MSTO1: variants seen among roughly 807,000 people sequenced by gnomAD.
MSTO1 encodes protein misato homolog 1.
In MSTO1, 24 loss-of-function variants were observed where a neutral mutation model predicts 55.7. The observed-to-expected ratio is 0.43, with a 90% CI of 0.31 to 0.61. The LOEUF (loss-of-function observed/expected upper bound fraction) is 0.61, where lower values mean the gene tolerates loss of function less well. Ranked by LOEUF, MSTO1 falls within the 20% of genes least tolerant of loss-of-function variation. The pLI is 0.09. For synonymous variants in MSTO1, 162 were observed against 252.8 expected, an observed-to-expected ratio of 0.64 and a Z score of 3.41; for missense variants, 363 against 625.7, an observed-to-expected ratio of 0.58 and a Z score of 4.48.
the MSTO1 span, among the ~76,000 whole-genome samples, chr1:155,574,298 ATCACG>A: frequency 1.3e-5 from 2 of 152,170 alleles, no homozygotes; most frequent in African/African-American, 4.8e-5. Context: ...ATGAGCCAAG[ATCACG>A]TCATCACACT....
At chr1:155,603,651 A>C in the MSTO1 span, among the ~76,000 whole-genome samples, 1 of 152,126 alleles carries the variant, frequency 6.6e-6, no homozygotes, top group Non-Finnish European at 1.5e-5. Flanking sequence ...AGAGGTCAGG[A>C]GTTCAAGACC....
intron 4 of MSTO1, 56 bp downstream of exon 4, chr1:155,611,347 T>A: frequency 6.2e-7 from 1 of 1,613,788 alleles, no homozygotes. Flanking sequence ...AGGGTCTCCA[T>A]AGGGGCAGGT....
At chr1:155,569,298 G>A in the MSTO1 span, among the ~76,000 whole-genome samples, 26 of 141,706 alleles carry the variant, frequency 1.8e-4, no homozygotes, top group South Asian at 6.9e-4. Flanking sequence ...ACCACGCCCA[G>A]CTAATTTTTT....
chr1:155,575,796 TTTTATTTATTTATTTATTTA>T, the MSTO1 span, among the ~76,000 whole-genome samples: 1 of 144,660 alleles, frequency 6.9e-6, no homozygotes, highest in East Asian at 2.0e-4. Flanking sequence ...CTTATTTTAT[TTTTATTTATTTATTTATTTA>T]TTTATTTATT....
chr1:155,596,434 T>G, the MSTO1 span, among the ~76,000 whole-genome samples: 1 of 152,204 alleles, frequency 6.6e-6, no homozygotes, highest in Non-Finnish European at 1.5e-5. Context: ...CATCATCATT[T>G]AGGCCACCTT....
upstream of MSTO1, chr1:155,610,097 G>A: frequency 2.7e-6 from 2 of 742,282 alleles, no homozygotes; most frequent in South Asian, 1.8e-5. Context: ...AGGTAGGAAG[G>A]GATCGGCGCA....
intron 11 of MSTO1, 48 bp downstream of exon 11, chr1:155,613,281 A>T (rs753685751): frequency 6.3e-6 from 10 of 1,594,808 alleles, no homozygotes; most frequent in Non-Finnish European, 8.6e-6. Flanking sequence ...TTTGTCTCAT[A>T]TCCATCTTCC....
At chr1:155,598,985 T>C in the MSTO1 span, 2 of 911,606 alleles carry the variant, frequency 2.2e-6, no homozygotes, top group Admixed American at 2.3e-5. Flanking sequence ...GTCTTGTAGC[T>C]TTAATTTTCT....
chr1:155,612,377 G>T lies in MSTO1; in HGVS notation c.814-41G>T, dbSNP rs774138784. Reference sequence around the variant, plus strand: ...TGGGGAGGGAGAAATCAGAATCCCAGTGGGAGAGCTGCTTAATACAAACTA... The same window carrying T: ...TGGGGAGGGAGAAATCAGAATCCCATTGGGAGAGCTGCTTAATACAAACTA... On this transcript the variant is annotated intron_variant, in intron 8 of 13. Coordinates refer to ENST00000245564, the MANE Select transcript of MSTO1 (RefSeq NM_018116.4). 3.2e-6 allele frequency: 5 copies of T among 1,586,970 alleles called. No homozygotes were observed. The African/African-American group carries it at 6.7e-5, about 21-fold the overall frequency.
Position 155,613,216 on chromosome 1 carries a change from C to T in MSTO1, c.1266C>T (p.Asp422=). 1.9e-6 allele frequency: 3 copies of T among 1,613,770 alleles called. No individual in the cohort carries two copies. Among genetic ancestry groups the T allele is most frequent in the Non-Finnish European group, 2.5e-6 (3 of 1,179,800 alleles). Residue 422 remains aspartate (D), a synonymous_variant, in exon 11 of 14, where the codon GAC becomes GAT. Transcript: ENST00000245564. ...FAQSVVLRGI[D]RACHTSQLTP... ...AGTCAGTGGTGCTGAGGGGTATAGA[C>T]AGAGCATGCCACACAAGGTGAGAGC...
chr1:155,600,350 T>G, the MSTO1 span, among the ~76,000 whole-genome samples: 1 of 152,206 alleles, frequency 6.6e-6, no homozygotes, highest in Admixed American at 6.5e-5. Context: ...ACTCAGCACA[T>G]GTTTCAGAGA....
chr1:155,592,058 C>T, the MSTO1 span, among the ~76,000 whole-genome samples: 46 of 152,212 alleles, frequency 3.0e-4, no homozygotes, highest in Non-Finnish European at 5.9e-4. Context: ...GCTTTCTCTC[C>T]GGTAGATAAA....
rs768686448 is a variant in MSTO1 at position 155,612,841 on chromosome 1, C to T, written c.967-3C>T. Reference sequence around the variant, plus strand: ...AAGTGCCCATCTTGGTGTCTTCTTACAGGCCACTCTGCCCTTCCACTGCAG... The same window carrying T: ...AAGTGCCCATCTTGGTGTCTTCTTATAGGCCACTCTGCCCTTCCACTGCAG... On this transcript the variant is annotated splice_region_variant and splice_polypyrimidine_tract_variant and intron_variant, in intron 9 of 13. Transcript: ENST00000245564. 11 of 1,613,860 alleles carry T rather than the reference C, an allele frequency of 6.8e-6. No homozygotes were observed. Among genetic ancestry groups the T allele is most frequent in the Admixed American group, 6.7e-5 (4 of 60,010 alleles).
the MSTO1 span, among the ~76,000 whole-genome samples, chr1:155,578,348 T>TTA: frequency 3.7e-5 from 4 of 107,250 alleles, no homozygotes; most frequent in South Asian, 1.1e-3. Context: ...TTTTTTTTTT[T>TTA]TTTTTTTTTT....
At chr1:155,607,210 C>G (rs982644779), upstream of MSTO1, among the ~76,000 whole-genome samples, 6 of 151,400 alleles carry the variant, frequency 4.0e-5, no homozygotes, top group African/African-American at 7.3e-5. Context: ...GAGTCTTTCT[C>G]TGTCACCAGG....
the MSTO1 span, among the ~76,000 whole-genome samples, chr1:155,589,493 G>GAGTCACACCATCTGGCGA: frequency 6.6e-6 from 1 of 151,990 alleles, no homozygotes; most frequent in South Asian, 2.1e-4. Context: ...AAGGAGTATT[G>GAGTCACACCATCTGGCGA]AGTCACACCA....
At chr1:155,577,495 A>G in the MSTO1 span, among the ~76,000 whole-genome samples, 1 of 152,120 alleles carries the variant, frequency 6.6e-6, no homozygotes, top group African/African-American at 2.4e-5. Flanking sequence ...ATTCTTTTGC[A>G]TGAGTATCAG....
At chr1:155,585,401 T>C in the MSTO1 span, among the ~76,000 whole-genome samples, 2 of 151,792 alleles carry the variant, frequency 1.3e-5, no homozygotes, top group Admixed American at 6.6e-5. Context: ...CGGGCACCTA[T>C]AGTTCCAGCT....
chr1:155,595,290 A>G, the MSTO1 span, among the ~76,000 whole-genome samples: 4 of 140,936 alleles, frequency 2.8e-5, no homozygotes, highest in Admixed American at 7.6e-5. Flanking sequence ...CCATTCTCCC[A>G]CCTCAGCCTC....
Sources: gnomAD v4.1 joint callset for allele counts (sites outside exome capture counted in the v4.1 genomes callset) on GRCh38, gnomAD v4.1.1 for gene constraint, MANE v1.5 for transcripts, NCBI Gene and HGNC (gene_info 2026-07-23, HGNC 2026-07-21) for gene names.